CDC20B: variants seen among roughly 807,000 people sequenced by gnomAD.
CDC20B encodes cell division cycle 20B.
A neutral mutation model predicts 64.1 loss-of-function variants in CDC20B; 58 were observed. The observed-to-expected ratio is 0.90, with a 90% CI of 0.73 to 1.13. The LOEUF (loss-of-function observed/expected upper bound fraction) is 1.13. Among genes scored for constraint, CDC20B ranks in the 50% most tolerant of loss-of-function variants. The pLI is 0.00. For synonymous variants in CDC20B, 243 were observed against 230.6 expected (o/e 1.05, Z -0.49); for missense variants, 597 against 633.0 (o/e 0.94, Z 0.61).
chr5:55,140,998 C>T (rs1743313720), intron 4 of CDC20B, among the ~76,000 whole-genome samples: 1 of 152,190 alleles, frequency 6.6e-6, no homozygotes, highest in South Asian at 2.1e-4. Context: ...AGAGAAGATT[C>T]TGTTTTGCTT....
intron 2 of CDC20B, chr5:55,164,330 T>G: frequency 1.5e-6 from 1 of 672,730 alleles, no homozygotes; most frequent in Non-Finnish European, 2.2e-6. Context: ...CAGGCTGGAG[T>G]GCAGTAGTGC....
chr5:55,150,041 A>G (rs1743617617), intron 2 of CDC20B, among the ~76,000 whole-genome samples: 1 of 152,186 alleles, frequency 6.6e-6, no homozygotes, highest in African/African-American at 2.4e-5. Context: ...GGCTGACAAG[A>G]GAATCGCTTG....
chr5:55,114,117 T>C lies in CDC20B; in HGVS notation c.*101A>G. 6.8e-7 allele frequency: 1 copy of C among 1,462,074 alleles called. No individual in the cohort carries two copies. Among genetic ancestry groups the C allele is most frequent in the Non-Finnish European group, 9.1e-7 (1 of 1,102,418 alleles). The allele number at this position is 1,462,074 out of a possible 1,614,324, so 90.6% of individuals were successfully genotyped here. On this transcript the variant is annotated 3_prime_UTR_variant, in exon 12 of 12. Transcript: ENST00000381375. This position sits in a 1 kb window ranked among gnomAD's most constrained non-coding sequence, Gnocchi z 4.1. ...AGGCATTCACATCAAGAAGAGTATT[T>C]CAACTTGTTTGATACTCATAAAAAC...
intron 2 of CDC20B, chr5:55,164,372 A>G: frequency 2.3e-6 from 1 of 428,330 alleles, no homozygotes. Context: ...CTGCCTTTTT[A>G]AACATGCTAT....
intron 11 of CDC20B, among the ~76,000 whole-genome samples, chr5:55,116,647 C>G (rs1742633245): frequency 6.6e-6 from 1 of 152,134 alleles, no homozygotes; most frequent in African/African-American, 2.4e-5. Flanking sequence ...GGAGTCTCAC[C>G]ATGTTGCCCA....
Position 55,125,155 on chromosome 5 carries a change from G to C in CDC20B, c.990-127C>G, listed in dbSNP as rs1742853976. 6.1e-6 allele frequency: 4 copies of C among 660,706 alleles called. No individual in the cohort carries two copies. In the South Asian group the frequency reaches 8.0e-5, roughly 13 times the overall value. The allele number at this position is 660,706 out of a possible 1,614,324, so 40.9% of individuals were successfully genotyped here. On this transcript the variant is annotated intron_variant, in intron 8 of 11. Transcript: ENST00000381375. ...AGGACAGATTCAAAACACAGGTGGAGATTCCTTGGGTTAATAAGGATGGAG... is the reference window on the plus strand; with the variant it reads ...AGGACAGATTCAAAACACAGGTGGACATTCCTTGGGTTAATAAGGATGGAG...
chr5:55,161,059 G>A, intron 2 of CDC20B: 3 of 1,614,152 alleles, frequency 1.9e-6, no homozygotes, highest in Non-Finnish European at 2.5e-6. Context: ...TAGGGCTGAA[G>A]GAACTGCACA....
intron 2 of CDC20B, among the ~76,000 whole-genome samples, chr5:55,147,994 T>G (rs931688408): frequency 1.3e-5 from 2 of 152,186 alleles, no homozygotes; most frequent in African/African-American, 4.8e-5. Flanking sequence ...AACCATCCCA[T>G]GTAGCCATGT....
At chr5:55,123,758 T>A (rs1742810981) in intron 9 of CDC20B, among the ~76,000 whole-genome samples, 1 of 152,212 alleles carries the variant, frequency 6.6e-6, no homozygotes, top group Non-Finnish European at 1.5e-5. Flanking sequence ...TGTTTTTGTA[T>A]GTTGTTTTCA....
chr5:55,121,942 A>C (rs1014571069), intron 9 of CDC20B, among the ~76,000 whole-genome samples: 4 of 152,302 alleles, frequency 2.6e-5, no homozygotes, highest in Non-Finnish European at 5.9e-5. Context: ...ATACATCTGA[A>C]TATACAATAG....
chr5:55,155,734 C>A (rs573128514), intron 2 of CDC20B, among the ~76,000 whole-genome samples: 1 of 152,262 alleles, frequency 6.6e-6, no homozygotes, highest in East Asian at 1.9e-4. Context: ...GTCTACAGAG[C>A]ATCTTTAGCA....
At chr5:55,165,618 G>A (rs1744340360) in intron 2 of CDC20B, 1 of 152,184 alleles carries the variant, frequency 6.6e-6, no homozygotes, top group Non-Finnish European at 1.5e-5. Flanking sequence ...TTCTGCTTCA[G>A]AGTCCATATC....
At chr5:55,162,090 C>CAAAA (rs34286995) in intron 2 of CDC20B, among the ~76,000 whole-genome samples, 2 of 90,728 alleles carry the variant, frequency 2.2e-5, no homozygotes, top group Non-Finnish European at 2.2e-5. Flanking sequence ...CCATATTAGT[C>CAAAA]AAAAAAAAAA....
chr5:55,162,688 A>C (rs1744144437), intron 2 of CDC20B, among the ~76,000 whole-genome samples: 1 of 152,276 alleles, frequency 6.6e-6, no homozygotes, highest in Non-Finnish European at 1.5e-5. Context: ...TTGAAGGTCC[A>C]CTGAGGAAAG....
intron 2 of CDC20B, chr5:55,170,429 G>A: frequency 2.2e-6 from 1 of 454,638 alleles, no homozygotes; most frequent in South Asian, 1.6e-5. Context: ...TGTATTATAA[G>A]CTAATGGCAA....
At chr5:55,152,071 C>G (rs1743683051) in intron 2 of CDC20B, among the ~76,000 whole-genome samples, 1 of 152,158 alleles carries the variant, frequency 6.6e-6, no homozygotes, top group African/African-American at 2.4e-5. Flanking sequence ...GCAATGTGAC[C>G]AAAGAGGCAG....
At chr5:55,128,662 G>A in intron 6 of CDC20B, 45 bp from the exon 7 acceptor site, 1 of 1,377,804 alleles carries the variant, frequency 7.3e-7, no homozygotes, top group East Asian at 2.7e-5. Flanking sequence ...ACAGCCACAT[G>A]AAAACATGTT....
intron 2 of CDC20B, among the ~76,000 whole-genome samples, chr5:55,169,802 A>C (rs992297067): frequency 6.6e-6 from 1 of 152,190 alleles, no homozygotes; most frequent in Non-Finnish European, 1.5e-5. Context: ...AACCAATTCT[A>C]ATGCTGTATT....
intron 2 of CDC20B, among the ~76,000 whole-genome samples, chr5:55,153,666 G>A (rs1254639766): frequency 6.6e-6 from 1 of 152,160 alleles, no homozygotes; most frequent in East Asian, 1.9e-4. Flanking sequence ...TCAGCAGCTT[G>A]AATGGAGATT....
Sources: allele counts gnomAD v4.1 joint callset (sites outside exome capture counted in the v4.1 genomes callset), GRCh38; gene constraint gnomAD v4.1.1; non-coding constraint Gnocchi (gnomAD v3.1); transcripts MANE v1.5; gene names NCBI Gene and HGNC (gene_info 2026-07-23, HGNC 2026-07-21).